The following DDHD1 variants were observed in gnomAD, a reference collection of about 807,000 sequenced individuals.
DDHD1 encodes the protein DDHD domain containing 1, also known as phospholipase DDHD1.
In DDHD1, 49 loss-of-function variants were observed where a neutral mutation model predicts 96.4. The ratio of observed to expected loss-of-function variants is 0.51; its 90% CI spans 0.40 to 0.64. The LOEUF (loss-of-function observed/expected upper bound fraction) is 0.64. DDHD1 is among the 30% of genes least tolerant of loss of function. The probability of loss-of-function intolerance (pLI) is 0.00; values close to 1 mark genes in which losing one functional copy is unlikely to be tolerated. For synonymous variants in DDHD1, 442 were observed against 446.5 expected (o/e 0.99, Z 0.13); for missense variants, 1,106 against 1,161.2 (o/e 0.95, Z 0.69).
chr14:53,146,122 C>T (rs1890961649), intron 1 of DDHD1, among the ~76,000 whole-genome samples: 1 of 152,134 alleles, frequency 6.6e-6, no homozygotes, highest in Non-Finnish European at 1.5e-5. Context: ...AGGAGAATCA[C>T]TTGAACCTGG....
At chr14:53,064,236 G>C (rs1456015695) in intron 6 of DDHD1, among the ~76,000 whole-genome samples, 2 of 151,946 alleles carry the variant, frequency 1.3e-5, no homozygotes, top group East Asian at 3.8e-4. Context: ...ATCTACATGA[G>C]GTAGGTACAG....
At chr14:53,088,760 C>T (rs1886194721) in intron 4 of DDHD1, among the ~76,000 whole-genome samples, 1 of 152,138 alleles carries the variant, frequency 6.6e-6, no homozygotes, top group African/African-American at 2.4e-5. Flanking sequence ...AAAACTGGCA[C>T]AACACAGGGA....
At chr14:53,103,007 A>G (rs912707178) in intron 2 of DDHD1, 2 of 1,555,306 alleles carry the variant, frequency 1.3e-6, no homozygotes, top group East Asian at 2.4e-5. Context: ...ACAAATTCTA[A>G]TCTACCTGTA....
chr14:53,119,091 T>C (rs1888780603), intron 1 of DDHD1, among the ~76,000 whole-genome samples: 1 of 152,072 alleles, frequency 6.6e-6, no homozygotes, highest in South Asian at 2.1e-4. Flanking sequence ...AGAAATAAAA[T>C]CCTTTACAGA....
intron 1 of DDHD1, among the ~76,000 whole-genome samples, chr14:53,119,710 T>G (rs942229239): frequency 6.6e-6 from 1 of 152,184 alleles, no homozygotes; most frequent in Non-Finnish European, 1.5e-5. Flanking sequence ...AACCATATAA[T>G]TATCTCAATC....
chr14:53,059,637 G>A (rs1472452958), intron 8 of DDHD1, among the ~76,000 whole-genome samples: 11 of 148,360 alleles, frequency 7.4e-5, no homozygotes, highest in South Asian at 4.2e-4. Flanking sequence ...AGGCCGTGGC[G>A]GGCGGATCAC....
At chr14:53,063,536 C>A (rs1326773174) in intron 6 of DDHD1, among the ~76,000 whole-genome samples, 5 of 150,636 alleles carry the variant, frequency 3.3e-5, no homozygotes, top group African/African-American at 1.2e-4. Context: ...TTTTCAAAGA[C>A]CCCCGCAAAT....
chr14:53,124,534 G>T (rs1036324439), intron 1 of DDHD1, among the ~76,000 whole-genome samples: 1 of 152,054 alleles, frequency 6.6e-6, no homozygotes, highest in African/African-American at 2.4e-5. Flanking sequence ...AACTGGGATC[G>T]CATTTGAAAA....
chr14:53,101,451 C>T (rs971502904), intron 2 of DDHD1, among the ~76,000 whole-genome samples: 2 of 151,896 alleles, frequency 1.3e-5, no homozygotes, highest in African/African-American at 2.4e-5. Flanking sequence ...ATCTTATATG[C>T]CACAGTACAT....
chr14:53,126,359 A>T (rs151218220), intron 1 of DDHD1, among the ~76,000 whole-genome samples: 32 of 152,294 alleles, frequency 2.1e-4, no homozygotes, highest in African/African-American at 7.7e-4. Flanking sequence ...TAGTGTCTGC[A>T]TACCCTATTT....
chr14:53,130,090 C>T (rs1329881169), intron 1 of DDHD1, among the ~76,000 whole-genome samples: 2 of 152,180 alleles, frequency 1.3e-5, no homozygotes, highest in Non-Finnish European at 2.9e-5. Context: ...CCTCTCCCCT[C>T]CTCCCCAGGC....
In DDHD1 at chr14:53,037,208, A is replaced by G. The variant is rs1187206381; in HGVS notation, c.*9560T>C. 6.6e-6 allele frequency: 1 copy of G among 152,136 alleles called. No homozygotes were observed. The highest frequency in any genetic ancestry group is 1.9e-4 in the East Asian group (1 of 5,192). The allele number at this position is 152,136 out of a possible 1,614,324, so 9.4% of individuals were successfully genotyped here. A position where few individuals can be genotyped will look rare whatever the true frequency, so the allele number is the denominator to read the frequency against. ...GCAGCCACGTTGATCTGTCTTTGCT[A>G]CTGTGAATAGCACTGTGATGACCAT... On this transcript the variant is annotated 3_prime_UTR_variant, in exon 13 of 13. Coordinates refer to ENST00000673822, the MANE Select transcript of DDHD1 (RefSeq NM_001160148.2).
rs368796022 is a variant in DDHD1 at position 53,070,925 on chromosome 14, G to A, written c.1503+1672C>T. On this transcript the variant is annotated intron_variant, in intron 6 of 12. Transcript: ENST00000673822. ...AAAGAAAGCTCCCAGAGAAAACATC[G>A]AACCCTTCTTTCTCTTATGAAAGCA... Among the ~76,000 whole-genome samples, 4 of 152,086 alleles carry A rather than the reference G, an allele frequency of 2.6e-5. 1 individual carries two copies. Among genetic ancestry groups the A allele is most frequent in the East Asian group, 3.9e-4 (2 of 5,188 alleles).
chr14:53,150,365 A>T (rs143670025), intron 1 of DDHD1, among the ~76,000 whole-genome samples: 267 of 152,340 alleles, frequency 1.8e-3, no homozygotes, highest in African/African-American at 6.2e-3. Flanking sequence ...TAGACTAATG[A>T]ATGAACTGCT....
At chr14:53,117,221 T>A (rs1888613078) in intron 1 of DDHD1, among the ~76,000 whole-genome samples, 1 of 151,636 alleles carries the variant, frequency 6.6e-6, no homozygotes, top group Admixed American at 6.6e-5. Context: ...CAGCTCCCAG[T>A]GAGATCGACA....
chr14:53,098,179 A>C (rs1887029767), intron 2 of DDHD1, among the ~76,000 whole-genome samples: 1 of 152,070 alleles, frequency 6.6e-6, no homozygotes, highest in Admixed American at 6.6e-5. Context: ...TTTAGTTAGA[A>C]ATTCTTACAC....
intron 1 of DDHD1, among the ~76,000 whole-genome samples, chr14:53,115,138 C>T (rs1309986295): frequency 6.6e-6 from 1 of 152,008 alleles, no homozygotes; most frequent in Non-Finnish European, 1.5e-5. Flanking sequence ...GACTGAAGAT[C>T]ACCTGACTGA....
chr14:53,071,595 A>G (rs914487657), intron 6 of DDHD1, among the ~76,000 whole-genome samples: 1 of 152,244 alleles, frequency 6.6e-6, no homozygotes, highest in East Asian at 1.9e-4. Context: ...GATTCAGTAT[A>G]TGTATATATT....
At position 53,043,213 on chromosome 14, in the gene DDHD1, GAA is replaced by G. The variant is rs558044689; in HGVS notation, c.*3553_*3554del. Reference sequence around the variant, plus strand: ...CTTCAGCTCCCAATGAGAAAACAGAGAAAAAAGAGACTAAGGATGAATGTTTA... The same window carrying G: ...CTTCAGCTCCCAATGAGAAAACAGAGAAAAGAGACTAAGGATGAATGTTTA... On this transcript the variant is annotated 3_prime_UTR_variant, in exon 13 of 13. Transcript: ENST00000673822. 3.0e-4 allele frequency: 46 copies of G among 152,202 alleles called. No individual in the cohort carries two copies. Among genetic ancestry groups the G allele is most frequent in the African/African-American group, 1.0e-3 (43 of 41,554 alleles). The allele number at this position is 152,202 out of a possible 1,614,324, so 9.4% of individuals were successfully genotyped here.
Sources: gnomAD v4.1 joint callset for allele counts (sites outside exome capture counted in the v4.1 genomes callset) on GRCh38, gnomAD v4.1.1 for gene constraint, MANE v1.5 for transcripts, NCBI Gene and HGNC (gene_info 2026-07-23, HGNC 2026-07-21) for gene names.